Variants in BLNK observed in about 807,000 individuals in gnomAD.
BLNK encodes B cell linker.
BLNK carries 29 observed loss-of-function variants against 73.5 expected under a neutral mutation model. The observed-to-expected ratio is 0.39, with a 90% CI of 0.29 to 0.54. The LOEUF (loss-of-function observed/expected upper bound fraction) is 0.54. Ranked by LOEUF, BLNK falls within the 20% of genes least tolerant of loss-of-function variation. The probability of loss-of-function intolerance (pLI) is 0.61; values close to 1 mark genes in which losing one functional copy is unlikely to be tolerated. For missense variants in BLNK, 460 were observed against 562.8 expected (o/e 0.82, Z 1.85); for synonymous variants, 176 against 200.8 (o/e 0.88, Z 1.04).
chr10:96,267,676 G>A (rs879978208), intron 1 of BLNK, among the ~76,000 whole-genome samples: 3 of 152,112 alleles, frequency 2.0e-5, no homozygotes, highest in Admixed American at 6.5e-5. Flanking sequence ...ACGCAGAGAA[G>A]GAATGTTTGT....
At chr10:96,228,530 T>C (rs587724613) in intron 4 of BLNK, among the ~76,000 whole-genome samples, 1 of 152,350 alleles carries the variant, frequency 6.6e-6, no homozygotes, top group South Asian at 2.1e-4. Context: ...GCGCTGAGAT[T>C]ACAGGCATGA....
intron 3 of BLNK, among the ~76,000 whole-genome samples, chr10:96,235,544 G>C (rs1842660030): frequency 7.3e-6 from 1 of 136,794 alleles, no homozygotes; most frequent in African/African-American, 2.5e-5. Context: ...CTAAGGGCCA[G>C]AAGAATGACC....
At chr10:96,217,151 C>A (rs74387388) in intron 6 of BLNK, among the ~76,000 whole-genome samples, 1,824 of 152,206 alleles carry the variant, frequency 0.012, 21 homozygotes, top group African/African-American at 0.024. Context: ...TCACAACTCC[C>A]GTCTTTTTAT....
chr10:96,244,141 T>C (rs1430461549), intron 2 of BLNK, among the ~76,000 whole-genome samples: 4 of 152,212 alleles, frequency 2.6e-5, no homozygotes, highest in Non-Finnish European at 5.9e-5. Flanking sequence ...ATATCTATTA[T>C]TTCATTCAAT....
chr10:96,246,010 C>T (rs1371052542), intron 2 of BLNK, among the ~76,000 whole-genome samples: 1 of 151,952 alleles, frequency 6.6e-6, no homozygotes, highest in East Asian at 1.9e-4. Flanking sequence ...AATTTAAAGA[C>T]TTAACAGAAT....
At chr10:96,227,664 A>G (rs1842326679) in intron 4 of BLNK, 98 bp from the exon 5 acceptor site, 11 of 1,580,488 alleles carry the variant, frequency 7.0e-6, no homozygotes, top group Non-Finnish European at 7.8e-6. Flanking sequence ...CAGTGACAGG[A>G]GACAAGGCTT....
At chr10:96,258,606 G>T (rs1843618757) in intron 1 of BLNK, among the ~76,000 whole-genome samples, 1 of 152,102 alleles carries the variant, frequency 6.6e-6, no homozygotes, top group Non-Finnish European at 1.5e-5. Context: ...GAGAAGGTGG[G>T]GGGTACCTCC....
intron 1 of BLNK, among the ~76,000 whole-genome samples, chr10:96,253,517 C>G (rs985216996): frequency 2.6e-5 from 4 of 152,202 alleles, no homozygotes; most frequent in African/African-American, 9.7e-5. Context: ...AACCCAGCCT[C>G]TCTTCCAGAT....
chr10:96,196,843 C>G, intron 16 of BLNK, 65 bp downstream of exon 16: 1 of 1,482,300 alleles, frequency 6.7e-7, no homozygotes, highest in East Asian at 2.3e-5. Flanking sequence ...GCATCTAATA[C>G]AGTATTTGAT....
intron 1 of BLNK, among the ~76,000 whole-genome samples, chr10:96,268,831 T>G (rs1318913354): frequency 6.6e-6 from 1 of 152,200 alleles, no homozygotes; most frequent in African/African-American, 2.4e-5. Flanking sequence ...CTCACTGTCC[T>G]TCTATTTTTG....
chr10:96,239,045 C>T (rs1237555181), intron 3 of BLNK: 6 of 398,218 alleles, frequency 1.5e-5, no homozygotes, highest in African/African-American at 1.2e-4. Flanking sequence ...TGCTGGGAAT[C>T]AAACTTTGTG....
intron 13 of BLNK, among the ~76,000 whole-genome samples, chr10:96,202,032 G>C (rs782230909): frequency 1.3e-5 from 2 of 152,282 alleles, no homozygotes; most frequent in South Asian, 4.1e-4. Flanking sequence ...CCCGGGTAGA[G>C]GGAGCTGTGA....
In BLNK at chr10:96,189,340, C is replaced by A; in HGVS notation, c.*2633G>T. The A allele has an allele frequency of 3.7e-6, 2 of 546,316 alleles. No individual in the cohort carries two copies. Among genetic ancestry groups the A allele is most frequent in the Non-Finnish European group, 7.0e-6 (2 of 286,940 alleles). 33.8% of individuals were successfully genotyped at this position (546,316 alleles called of 1,614,324 possible). A position where few individuals can be genotyped will look rare whatever the true frequency, so the allele number is the denominator to read the frequency against. ...ATGAAATAAGATGGAAAAATGTTAACAAATTGTTTAAACTATTTTCTAAAG... is the reference window on the plus strand; with the variant it reads ...ATGAAATAAGATGGAAAAATGTTAAAAAATTGTTTAAACTATTTTCTAAAG... On this transcript the variant is annotated 3_prime_UTR_variant, in exon 17 of 17. Coordinates refer to ENST00000224337, the MANE Select transcript of BLNK (RefSeq NM_013314.4).
intron 16 of BLNK, among the ~76,000 whole-genome samples, chr10:96,192,720 G>A (rs1245795886): frequency 1.3e-5 from 2 of 151,938 alleles, no homozygotes; most frequent in African/African-American, 4.8e-5. Flanking sequence ...TTGTCTATGG[G>A]TTTTAATTTA....
At chr10:96,219,136 A>G (rs2084135759) in intron 6 of BLNK, among the ~76,000 whole-genome samples, 1 of 152,206 alleles carries the variant, frequency 6.6e-6, no homozygotes, top group African/African-American at 2.4e-5. Flanking sequence ...GTGTCAAACT[A>G]TGAACTCCCG....
intron 15 of BLNK, among the ~76,000 whole-genome samples, chr10:96,198,415 G>T (rs1285778744): frequency 1.3e-5 from 2 of 152,144 alleles, no homozygotes; most frequent in Admixed American, 1.3e-4. Context: ...TATTGAAAGG[G>T]CTTCTGTCTA....
At position 96,242,900 on chromosome 10, in the gene BLNK, C is replaced by T. The variant is rs959362723; in HGVS notation, c.114-116G>A. 2.6e-5 allele frequency: 23 copies of T among 886,078 alleles called. No individual in the cohort carries two copies. In the African/African-American group the frequency reaches 3.5e-4, roughly 13 times the overall value. The allele number at this position is 886,078 out of a possible 1,614,324, so 54.9% of individuals were successfully genotyped here. On this transcript the variant is annotated intron_variant, in intron 2 of 16. Transcript: ENST00000224337. ...GACAACTAATAGCATAATGGCTTCT[C>T]TTGGACCAATCAATGGACAGATTTG...
intron 9 of BLNK, among the ~76,000 whole-genome samples, chr10:96,208,706 G>A (rs1244372337): frequency 5.3e-5 from 8 of 151,980 alleles, no homozygotes; most frequent in African/African-American, 1.5e-4. Flanking sequence ...CTTTGTTTTC[G>A]GCTGAGAGCT....
Position 96,196,896 on chromosome 10 carries a change from G to T in BLNK, c.1251+12C>A. ...ATAGTTATAGAATTGAATTTAAAAA[G>T]AAATCACTGACCTCTTCACCATTTT... On this transcript the variant is annotated intron_variant, in intron 16 of 16. Coordinates refer to ENST00000224337, the MANE Select transcript of BLNK (RefSeq NM_013314.4). The T allele has an allele frequency of 7.4e-6, 12 of 1,612,166 alleles. No individual in the cohort carries two copies. Among genetic ancestry groups the T allele is most frequent in the South Asian group, 1.1e-5 (1 of 90,954 alleles).
Sources: gnomAD v4.1 joint callset for allele counts (sites outside exome capture counted in the v4.1 genomes callset) on GRCh38, gnomAD v4.1.1 for gene constraint, MANE v1.5 for transcripts, NCBI Gene and HGNC (gene_info 2026-07-23, HGNC 2026-07-21) for gene names.